ACTR3B: variants seen among roughly 807,000 people sequenced by gnomAD.
The protein encoded by ACTR3B is actin-related protein 3B.
Under a neutral mutation model 59.0 loss-of-function variants are expected in ACTR3B, and 8 were observed. The observed-to-expected ratio is 0.14, with a 90% CI of 0.08 to 0.24. The LOEUF (loss-of-function observed/expected upper bound fraction) is 0.24. Among genes scored for constraint, ACTR3B ranks in the 10% least tolerant of loss-of-function variants. The pLI is 1.00. For synonymous variants in ACTR3B, 148 were observed against 197.9 expected, an observed-to-expected ratio of 0.75 and a Z score of 2.12; for missense variants, 245 against 552.3, an observed-to-expected ratio of 0.44 and a Z score of 5.58.
chr7:152,761,342 G>A (rs1166950690), intron 1 of ACTR3B, among the ~76,000 whole-genome samples: 3 of 152,078 alleles, frequency 2.0e-5, no homozygotes, highest in African/African-American at 2.4e-5. Flanking sequence ...AAACCAGTGG[G>A]TGAAAGTATT....
intron 1 of ACTR3B, among the ~76,000 whole-genome samples, chr7:152,781,199 T>G (rs1265255106): frequency 1.3e-5 from 2 of 149,382 alleles, no homozygotes; most frequent in Non-Finnish European, 3.0e-5. Flanking sequence ...AGTGGTTTTT[T>G]TTTTTTTTTT....
intron 1 of ACTR3B, among the ~76,000 whole-genome samples, chr7:152,765,156 T>C (rs1029520080): frequency 1.3e-5 from 2 of 148,922 alleles, no homozygotes; most frequent in Admixed American, 6.8e-5. Context: ...TTGCTTTCAT[T>C]GTTCAGGCTG....
chr7:152,763,068 C>A (rs1279777235), intron 1 of ACTR3B, among the ~76,000 whole-genome samples: 3 of 152,068 alleles, frequency 2.0e-5, no homozygotes, highest in Admixed American at 1.3e-4. Flanking sequence ...GTAATCCCAG[C>A]ACTTTGGGAG....
intron 4 of ACTR3B, chr7:152,811,618 G>A (rs1795244547): frequency 6.6e-6 from 1 of 152,136 alleles, no homozygotes; most frequent in Non-Finnish European, 1.5e-5. Flanking sequence ...TATTGGGTGT[G>A]TGTTCTTGGT....
chr7:152,799,425 AC>A (rs1326140925), intron 2 of ACTR3B, among the ~76,000 whole-genome samples: 3 of 152,200 alleles, frequency 2.0e-5, no homozygotes, highest in Non-Finnish European at 2.9e-5. Context: ...AGATAATAGT[AC>A]CTGTCTCATA....
At chr7:152,830,866 G>A (rs1302823570) in intron 9 of ACTR3B, among the ~76,000 whole-genome samples, 1 of 152,154 alleles carries the variant, frequency 6.6e-6, no homozygotes, top group South Asian at 2.1e-4. Flanking sequence ...AATTTTTAAT[G>A]TTTAAGAGTA....
At chr7:152,775,854 A>G (rs1270300183) in intron 1 of ACTR3B, among the ~76,000 whole-genome samples, 1 of 152,222 alleles carries the variant, frequency 6.6e-6, no homozygotes, top group Non-Finnish European at 1.5e-5. Flanking sequence ...GATAGAAGGC[A>G]GAAATGAGGT....
intron 5 of ACTR3B, among the ~76,000 whole-genome samples, chr7:152,816,115 T>C (rs1428500879): frequency 6.6e-6 from 1 of 152,040 alleles, no homozygotes; most frequent in Non-Finnish European, 1.5e-5. Flanking sequence ...CCTGGCTAAT[T>C]TTTGTATTAT....
chr7:152,834,653 G>C (rs1248441028), intron 9 of ACTR3B, among the ~76,000 whole-genome samples: 1 of 152,080 alleles, frequency 6.6e-6, no homozygotes, highest in Non-Finnish European at 1.5e-5. Context: ...TGTCTGTTTC[G>C]ATACCAACTC....
At chr7:152,808,354 C>A (rs1378690651) in intron 4 of ACTR3B, among the ~76,000 whole-genome samples, 1 of 150,980 alleles carries the variant, frequency 6.6e-6, no homozygotes, top group African/African-American at 2.4e-5. Flanking sequence ...TTTTGCCTTT[C>A]TCTTTTGGTT....
At chr7:152,840,664 A>T (rs1248049311) in intron 9 of ACTR3B, among the ~76,000 whole-genome samples, 1 of 120,650 alleles carries the variant, frequency 8.3e-6, no homozygotes, top group Non-Finnish European at 1.8e-5. Flanking sequence ...CGGCAGTTCC[A>T]TAGAGCCTGT....
Position 152,825,064 on chromosome 7 carries a change from A to G in ACTR3B, c.893A>G (p.Asp298Gly), listed in dbSNP as rs1796463849. The G allele has an allele frequency of 6.2e-7, 1 of 1,613,868 alleles. No homozygotes were observed. Among genetic ancestry groups the G allele is most frequent in the Non-Finnish European group, 8.5e-7 (1 of 1,179,806 alleles). ...ANPDFMESIS[D>G]VVDEVIQNCP... The stretch of plus-strand genomic sequence containing the variant: ...CCAGACTTTATGGAGTCCATCTCAG[A>G]TGTTGTTGATGAAGTAATACAGAAC... The change falls in exon 9 of 12, where the codon GAT becomes GGT. Residue 298 changes from aspartate to glycine, a missense_variant. Transcript: ENST00000256001.
intron 9 of ACTR3B, among the ~76,000 whole-genome samples, chr7:152,838,330 A>G (rs568891860): frequency 2.6e-5 from 4 of 152,038 alleles, no homozygotes; most frequent in Non-Finnish European, 5.9e-5. Flanking sequence ...TGTGGCACAT[A>G]TACACCATGG....
Position 152,759,842 on chromosome 7 carries a change from T to C in ACTR3B, c.-41T>C. 1 of 1,237,014 alleles carries C rather than the reference T, an allele frequency of 8.1e-7. No individual in the cohort carries two copies. The highest frequency in any genetic ancestry group is 1.0e-6 in the Non-Finnish European group (1 of 987,200). The allele number at this position is 1,237,014 out of a possible 1,614,324, so 76.6% of individuals were successfully genotyped here. ...GGCGGAGCGGACGGCGACGGGGCGC[T>C]CTCGGGCTGCCGGCGGGGCCGAGCG... On this transcript the variant is annotated 5_prime_UTR_variant, in exon 1 of 12. Coordinates refer to ENST00000256001, the MANE Select transcript of ACTR3B (RefSeq NM_020445.6).
intron 1 of ACTR3B, among the ~76,000 whole-genome samples, chr7:152,781,193 GT>G (rs369933153): frequency 0.034 from 3,185 of 94,370 alleles, 26 homozygotes; most frequent in African/African-American, 0.053. Context: ...CGTTTCAGTG[GT>G]TTTTTTTTTT....
At chr7:152,797,796 T>C (rs1283361832) in intron 2 of ACTR3B, among the ~76,000 whole-genome samples, 4 of 152,212 alleles carry the variant, frequency 2.6e-5, no homozygotes, top group African/African-American at 9.6e-5. Context: ...TGTCTTTCTG[T>C]GCCTGGCTTA....
chr7:152,787,823 A>AT (rs972820307), intron 2 of ACTR3B, among the ~76,000 whole-genome samples: 7 of 149,900 alleles, frequency 4.7e-5, no homozygotes, highest in African/African-American at 1.5e-4. Flanking sequence ...ATTCCTACTC[A>AT]TTTTTTTTCT....
At chr7:152,820,017 A>C (rs1178379163) in intron 6 of ACTR3B, among the ~76,000 whole-genome samples, 1 of 152,228 alleles carries the variant, frequency 6.6e-6, no homozygotes, top group African/African-American at 2.4e-5. Flanking sequence ...GAACTATCTT[A>C]TGTGGTTTTT....
chr7:152,766,295 A>C (rs556547483), intron 1 of ACTR3B, among the ~76,000 whole-genome samples: 1 of 152,208 alleles, frequency 6.6e-6, no homozygotes, highest in Admixed American at 6.5e-5. Flanking sequence ...CACGTGTGCA[A>C]TGCTCCGTAC....
Sources: allele counts gnomAD v4.1 joint callset (sites outside exome capture counted in the v4.1 genomes callset), GRCh38; gene constraint gnomAD v4.1.1; transcripts MANE v1.5; gene names NCBI Gene and HGNC (gene_info 2026-07-23, HGNC 2026-07-21).